Variants in PAQR3 observed in about 807,000 individuals in gnomAD.
PAQR3 encodes Raf kinase trapping to Golgi.
In PAQR3, 39 loss-of-function variants were observed where a neutral mutation model predicts 41.7. The ratio of observed to expected loss-of-function variants is 0.93; its 90% CI spans 0.72 to 1.22. The LOEUF (loss-of-function observed/expected upper bound fraction) is 1.22. Ranked by LOEUF, PAQR3 falls within the 50% of genes most tolerant of loss-of-function variation. The pLI is 0.00. For missense variants in PAQR3, 366 were observed against 385.6 expected (o/e 0.95, Z 0.42); for synonymous variants, 140 against 140.6 (o/e 1.00, Z 0.03).
downstream of PAQR3, among the ~76,000 whole-genome samples, chr4:78,908,896 T>C (rs192203545): frequency 3.3e-5 from 5 of 152,248 alleles, no homozygotes; most frequent in Non-Finnish European, 7.4e-5. Flanking sequence ...CTTTTCTTTC[T>C]GTTAATGGTG....
chr4:78,939,015 C>G lies in PAQR3; in HGVS notation c.185+25G>C, dbSNP rs373308554. On this transcript the variant is annotated intron_variant, in intron 1 of 5. Transcript: ENST00000512733. ...GGTGTAGGTGAGAGAAGGGGGCACT[C>G]CAGGCGGAGGCAGCCAGACCGTACC... is the stretch of plus-strand genomic sequence containing the variant. 8 of 1,553,550 alleles carry G rather than the reference C, an allele frequency of 5.1e-6. No homozygotes were observed. The African/African-American group carries it at 1.1e-4, about 22-fold the overall frequency.
intron 11 of PAQR3, among the ~76,000 whole-genome samples, chr4:78,896,790 C>T (rs1733726890): frequency 6.6e-6 from 1 of 152,100 alleles, no homozygotes; most frequent in Non-Finnish European, 1.5e-5. Flanking sequence ...GAAGAGTTTG[C>T]AATATTTTAA....
In PAQR3 at chr4:78,920,053, T is replaced by C. The variant is rs1735501743; in HGVS notation, c.*486A>G. ...TTCTCACAAATCATTTTAGTGATTA[T>C]TTAAATCTAGTGATTTTAGTGATTA... On this transcript the variant is annotated 3_prime_UTR_variant, in exon 6 of 6. Coordinates refer to ENST00000512733, the MANE Select transcript of PAQR3 (RefSeq NM_001040202.2). 2.0e-6 allele frequency: 2 copies of C among 984,906 alleles called. No individual in the cohort carries two copies. Among genetic ancestry groups the C allele is most frequent in the Non-Finnish European group, 2.4e-6 (2 of 829,146 alleles). The allele number at this position is 984,906 out of a possible 1,614,324, so 61.0% of individuals were successfully genotyped here.
intron 5 of PAQR3, among the ~76,000 whole-genome samples, chr4:78,922,588 C>T (rs1735765427): frequency 6.6e-6 from 1 of 151,860 alleles, no homozygotes; most frequent in Non-Finnish European, 1.5e-5. Flanking sequence ...TCTTACTAAA[C>T]CACATATTTC....
At chr4:78,929,063 G>A (rs914083918) in intron 3 of PAQR3, among the ~76,000 whole-genome samples, 1 of 152,216 alleles carries the variant, frequency 6.6e-6, no homozygotes, top group African/African-American at 2.4e-5. Context: ...CTGTAAATAC[G>A]TATGAAACTT....
At chr4:78,933,337 C>T in intron 2 of PAQR3, 3 of 450,762 alleles carry the variant, frequency 6.7e-6, no homozygotes, top group Non-Finnish European at 8.9e-6. Context: ...ATACAAATAC[C>T]CTGGGAAGGT....
At chr4:78,895,861 A>G (rs2110086297) in intron 11 of PAQR3, among the ~76,000 whole-genome samples, 1 of 144,184 alleles carries the variant, frequency 6.9e-6, no homozygotes. Context: ...TCCTGAGCTC[A>G]AGCAGTCCTC....
chr4:78,899,760 T>C, intron 11 of PAQR3, among the ~76,000 whole-genome samples: 1 of 152,084 alleles, frequency 6.6e-6, no homozygotes, highest in Non-Finnish European at 1.5e-5. Flanking sequence ...CATTTAGTAA[T>C]TATTTTATCT....
intron 2 of PAQR3, among the ~76,000 whole-genome samples, chr4:78,931,643 T>G (rs6534080): frequency 6.6e-6 from 1 of 152,006 alleles, no homozygotes; most frequent in African/African-American, 2.4e-5. Flanking sequence ...TTGGAAAAGG[T>G]GGGAGGATAT....
At chr4:78,896,361 A>G (rs950338382) in intron 11 of PAQR3, among the ~76,000 whole-genome samples, 1 of 152,220 alleles carries the variant, frequency 6.6e-6, no homozygotes, top group Non-Finnish European at 1.5e-5. Flanking sequence ...TTTAAAAATT[A>G]TATGAGTAAA....
At chr4:78,896,400 GTTTAAAGTCTATTGATAGCA>G (rs1291018679) in intron 11 of PAQR3, among the ~76,000 whole-genome samples, 1 of 152,154 alleles carries the variant, frequency 6.6e-6, no homozygotes, top group African/African-American at 2.4e-5. Flanking sequence ...TCTGGGTTCA[GTTTAAAGTCTATTGATAGCA>G]TTTGACCCAG....
rs1737799324 is a variant in PAQR3, at chr4:78,939,337, G to A, written c.-113C>T. The A allele has an allele frequency of 1.0e-6, 1 of 968,132 alleles. No individual in the cohort carries two copies. Among genetic ancestry groups the A allele is most frequent in the Non-Finnish European group, 1.4e-6 (1 of 714,150 alleles). The allele number at this position is 968,132 out of a possible 1,614,324, so 60.0% of individuals were successfully genotyped here. A position where few individuals can be genotyped will look rare whatever the true frequency, so the allele number is the denominator to read the frequency against. ...CCCGGAGCCCGCGGACGCTGCGCGA[G>A]GTCCTACCGCGCTGCCGCTGCTGCC... On this transcript the variant is annotated 5_prime_UTR_variant, in exon 1 of 6. Coordinates refer to ENST00000512733, the MANE Select transcript of PAQR3 (RefSeq NM_001040202.2).
rs1025197612 is a variant in PAQR3, at chr4:78,914,953, AT to A, written c.*5585del. 1 of 151,972 alleles carries A rather than the reference AT, an allele frequency of 6.6e-6. No homozygotes were observed. Among genetic ancestry groups the A allele is most frequent in the African/African-American group, 2.4e-5 (1 of 41,404 alleles). The allele number at this position is 151,972 out of a possible 1,614,324, so 9.4% of individuals were successfully genotyped here. On this transcript the variant is annotated 3_prime_UTR_variant, in exon 6 of 6. Coordinates refer to ENST00000512733, the MANE Select transcript of PAQR3 (RefSeq NM_001040202.2). ...AAAAGTGGACCATTTGCTTATTTTAATATCACGTCAGTAAAATGTTAGTATT... is the reference window on the plus strand; with the variant it reads ...AAAAGTGGACCATTTGCTTATTTTAAATCACGTCAGTAAAATGTTAGTATT...
chr4:78,888,344 T>C (rs1292907089), intron 11 of PAQR3, among the ~76,000 whole-genome samples: 1 of 152,240 alleles, frequency 6.6e-6, no homozygotes, highest in Non-Finnish European at 1.5e-5. Context: ...TGTTCCCTTA[T>C]ACCCCCAATA....
chr4:78,917,161 G>A lies in PAQR3; in HGVS notation c.*3378C>T, dbSNP rs1735163466. On this transcript the variant is annotated 3_prime_UTR_variant, in exon 6 of 6. Transcript: ENST00000512733. The stretch of plus-strand genomic sequence containing the variant: ...ATTTGAGCTATTTATTTTGGATAAC[G>A]AATACCTTTTTAAGGAAGCCCAGGT... The A allele has an allele frequency of 6.6e-6, 1 of 151,892 alleles. No homozygotes were observed. The highest frequency in any genetic ancestry group is 1.5e-5 in the Non-Finnish European group (1 of 67,882). The allele number at this position is 151,892 out of a possible 1,614,324, so 9.4% of individuals were successfully genotyped here.
intron 5 of PAQR3, among the ~76,000 whole-genome samples, chr4:78,923,226 G>A (rs1477610512): frequency 6.6e-6 from 1 of 151,800 alleles, no homozygotes; most frequent in Non-Finnish European, 1.5e-5. Flanking sequence ...TCCTAGTGCT[G>A]GGTGCCAGGA....
At chr4:78,910,693 C>G, downstream of PAQR3, 1 of 1,611,086 alleles carries the variant, frequency 6.2e-7, no homozygotes, top group East Asian at 2.2e-5. Flanking sequence ...TAAAACAAGT[C>G]CAGCATCTAA....
chr4:78,934,842 T>C (rs1737257394), intron 2 of PAQR3, among the ~76,000 whole-genome samples: 1 of 152,126 alleles, frequency 6.6e-6, no homozygotes, highest in African/African-American at 2.4e-5. Context: ...TAGAATGCAA[T>C]CAAAGATTCC....
rs1211187104 is a variant in PAQR3, at chr4:78,931,187, A to T, written c.349-862T>A. On this transcript the variant is annotated intron_variant, in intron 2 of 5. Transcript: ENST00000512733. ...CAACATAGGGAGACCTCATTTCTTA[A>T]AAAAAAAAAAAAAAAAAAAAAAAAA... Among the ~76,000 whole-genome samples the T allele has an allele frequency of 5.6e-4, 78 of 140,322 alleles. 2 individuals are homozygous for T. Among genetic ancestry groups the T allele is most frequent in the African/African-American group, 1.9e-3 (75 of 38,912 alleles). The allele number at this position is 140,322 out of a possible 152,430, so 92.1% of individuals were successfully genotyped here.
Sources: gnomAD v4.1 joint callset for allele counts (sites outside exome capture counted in the v4.1 genomes callset) on GRCh38, gnomAD v4.1.1 for gene constraint, MANE v1.5 for transcripts, NCBI Gene and HGNC (gene_info 2026-07-23, HGNC 2026-07-21) for gene names.